TNFSF12: variants seen among roughly 807,000 people sequenced by gnomAD.
TNFSF12 encodes the protein TNF superfamily member 12, also known as tumor necrosis factor ligand superfamily member 12.
TNFSF12 carries 16 observed loss-of-function variants against 31.2 expected under a neutral mutation model. The ratio of observed to expected loss-of-function variants is 0.51; its 90% confidence interval spans 0.35 to 0.78. TNFSF12 has a LOEUF of 0.78. TNFSF12 is among the 30% of genes least tolerant of loss of function. The pLI is 0.01. For synonymous variants in TNFSF12, 150 were observed against 151.4 expected (o/e 0.99, Z 0.07); for missense variants, 324 against 338.8 (o/e 0.96, Z 0.34).
chr17:7,552,546 C>A (rs1275169592), intron 5 of TNFSF12, among the ~76,000 whole-genome samples: 2 of 152,006 alleles, frequency 1.3e-5, no homozygotes, highest in African/African-American at 4.8e-5. Context: ...CCAGGCTGGT[C>A]TTGAACTCCT....
chr17:7,549,936 T>TGAG lies in TNFSF12; in HGVS notation c.208-181_208-179dup. ...AGTGTAGCTGGTCTAGAGGAAAGGG[T>TGAG]GAGGACTGGGGCCTGACTCCCAGCT... On this transcript the variant is annotated intron_variant, in intron 2 of 6. Coordinates refer to ENST00000293825, the MANE Select transcript of TNFSF12 (RefSeq NM_003809.3). The surrounding 1 kb of genome is among the most constrained non-coding windows in gnomAD (Gnocchi z 4.1). 2.6e-6 allele frequency: 2 copies of TGAG among 770,556 alleles called. No homozygotes were observed. The highest frequency in any genetic ancestry group is 4.2e-6 in the Non-Finnish European group (2 of 477,464). 47.7% of individuals were successfully genotyped at this position (770,556 alleles called of 1,614,324 possible).
chr17:7,551,013 C>G (rs199646365), intron 5 of TNFSF12, 35 bp downstream of exon 5: 12 of 1,612,562 alleles, frequency 7.4e-6, no homozygotes, highest in Middle Eastern at 1.9e-4. Flanking sequence ...CACTGGCCTC[C>G]TGGGAAAAGG....
Position 7,557,507 on chromosome 17 carries a change from C to T in TNFSF12, c.*157C>T. On this transcript the variant is annotated 3_prime_UTR_variant, in exon 7 of 7. Coordinates refer to ENST00000293825, the MANE Select transcript of TNFSF12 (RefSeq NM_003809.3). The surrounding 1 kb of genome is among the most constrained non-coding windows in gnomAD (Gnocchi z 5.2). ...GGGCCTGTTCACGTGTTTTCCATCC[C>T]ACATAAATACAGTATTCCCACTCTT... 1.8e-5 allele frequency: 18 copies of T among 995,926 alleles called. No individual in the cohort carries two copies. Among genetic ancestry groups the T allele is most frequent in the Non-Finnish European group, 2.3e-5 (16 of 702,670 alleles). 61.7% of individuals were successfully genotyped at this position (995,926 alleles called of 1,614,324 possible).
chr17:7,551,934 T>C, intron 5 of TNFSF12, among the ~76,000 whole-genome samples: 1 of 152,116 alleles, frequency 6.6e-6, no homozygotes, highest in East Asian at 1.9e-4. Context: ...TACAGGCGTG[T>C]GCCACCACGC....
rs751070705 is a variant in TNFSF12 at position 7,550,270 on chromosome 17, C to T, written c.283+75C>T. The T allele has an allele frequency of 6.8e-6, 11 of 1,606,814 alleles. No homozygotes were observed. Among genetic ancestry groups the T allele is most frequent in the Middle Eastern group, 1.6e-4 (1 of 6,070 alleles). ...TTATCCACAGGGAGAAACTGAGGCACGGAGGGTGAAAGGAGTTCAGAGTCA... is the reference window on the plus strand; with the variant it reads ...TTATCCACAGGGAGAAACTGAGGCATGGAGGGTGAAAGGAGTTCAGAGTCA... On this transcript the variant is annotated intron_variant, in intron 3 of 6. Transcript: ENST00000293825. This position sits in a 1 kb window ranked among gnomAD's most constrained non-coding sequence, Gnocchi z 4.4.
intron 5 of TNFSF12, among the ~76,000 whole-genome samples, chr17:7,552,771 A>T: frequency 6.6e-6 from 1 of 152,128 alleles, no homozygotes; most frequent in East Asian, 1.9e-4. Flanking sequence ...CTGGAGAGAG[A>T]GGAAGAAACC....
At position 7,557,431 on chromosome 17, in the gene TNFSF12, A is replaced by C. The variant is rs1597829771; in HGVS notation, c.*81A>C. The C allele has an allele frequency of 9.4e-6, 14 of 1,490,214 alleles. No homozygotes were observed. The highest frequency in any genetic ancestry group is 4.7e-5 in the East Asian group (2 of 42,576). The allele number at this position is 1,490,214 out of a possible 1,614,324, so 92.3% of individuals were successfully genotyped here. ...CTGGGCACCCGGTCCCCTCTGCCCC[A>C]CCCTCAGCCGCTCTTTGCTCCAGAC... On this transcript the variant is annotated 3_prime_UTR_variant, in exon 7 of 7. Transcript: ENST00000293825. The surrounding 1 kb of genome is among the most constrained non-coding windows in gnomAD (Gnocchi z 5.2).
At chr17:7,554,017 G>A (rs926913033) in intron 5 of TNFSF12, among the ~76,000 whole-genome samples, 14 of 152,194 alleles carry the variant, frequency 9.2e-5, no homozygotes, top group Admixed American at 8.5e-4. Context: ...TCCAGGTGAG[G>A]TTTGTGGCTG....
At position 7,553,023 on chromosome 17, in the gene TNFSF12, C is replaced by CT. The variant is rs71159509; in HGVS notation, c.373+2084dup. On this transcript the variant is annotated intron_variant, in intron 5 of 6. Transcript: ENST00000293825. ...ATAAGGAACTGGAGGCAGGGACAAC[C>CT]TTTTTTTTTTTTTTTTTTTTTTTTT... Among the ~76,000 whole-genome samples the CT allele has an allele frequency of 2.3e-3, 151 of 66,090 alleles. 11 individuals carry two copies. Among genetic ancestry groups the CT allele is most frequent in the East Asian group, 3.2e-3 (8 of 2,510 alleles). The allele number at this position is 66,090 out of a possible 152,430, so 43.4% of individuals were successfully genotyped here.
At position 7,557,605 on chromosome 17, in the gene TNFSF12, T is replaced by A; in HGVS notation, c.*255T>A. On this transcript the variant is annotated 3_prime_UTR_variant, in exon 7 of 7. Transcript: ENST00000293825. The surrounding 1 kb of genome is among the most constrained non-coding windows in gnomAD (Gnocchi z 5.2). ...ATCCCTGACCCTTTGAGGCCCCCAG[T>A]GATCTCGACTCCCCCCTGGCCACAG... The A allele has an allele frequency of 2.0e-6, 1 of 505,610 alleles. No homozygotes were observed. The highest frequency in any genetic ancestry group is 3.5e-6 in the Non-Finnish European group (1 of 289,252). 31.3% of individuals were successfully genotyped at this position (505,610 alleles called of 1,614,324 possible).
chr17:7,552,516 A>T (rs2071011872), intron 5 of TNFSF12, among the ~76,000 whole-genome samples: 1 of 151,844 alleles, frequency 6.6e-6, no homozygotes, highest in Non-Finnish European at 1.5e-5. Flanking sequence ...TTTAGTAGAG[A>T]CAGGGTTTCA....
chr17:7,552,293 C>T (rs117322070), intron 5 of TNFSF12, among the ~76,000 whole-genome samples: 2,991 of 149,400 alleles, frequency 0.02, 34 homozygotes, highest in Non-Finnish European at 0.028. Context: ...TAGGTCAGGA[C>T]GGATAAAGCC....
chr17:7,550,691 A>T lies in TNFSF12; in HGVS notation c.284-108A>T. ...TGAGATTCTAAGGCCAGGAGTCTGG[A>T]CAAGAATAAGGATGCCAGGGTTCCT... On this transcript the variant is annotated intron_variant, in intron 3 of 6. Transcript: ENST00000293825. The surrounding 1 kb of genome is among the most constrained non-coding windows in gnomAD (Gnocchi z 4.4). 1 of 1,495,688 alleles carries T rather than the reference A, an allele frequency of 6.7e-7. No homozygotes were observed. The highest frequency in any genetic ancestry group is 1.4e-5 in the African/African-American group (1 of 71,786). The allele number at this position is 1,495,688 out of a possible 1,614,324, so 92.7% of individuals were successfully genotyped here.
chr17:7,557,094 C>T lies in TNFSF12; in HGVS notation c.499-5C>T. On this transcript the variant is annotated splice_region_variant and splice_polypyrimidine_tract_variant and intron_variant, in intron 6 of 6. Transcript: ENST00000293825. This position sits in a 1 kb window ranked among gnomAD's most constrained non-coding sequence, Gnocchi z 5.2. Reference sequence around the variant, plus strand: ...CCTGGACTCGGCCTGTTGTCCCCACCCCAGGTGCACTTTGATGAGGGGAAG... The same window carrying T: ...CCTGGACTCGGCCTGTTGTCCCCACTCCAGGTGCACTTTGATGAGGGGAAG... 6.2e-7 allele frequency: 1 copy of T among 1,608,346 alleles called. No individual in the cohort carries two copies. Among genetic ancestry groups the T allele is most frequent in the Non-Finnish European group, 8.5e-7 (1 of 1,176,126 alleles).
At chr17:7,556,334 T>A (rs780106083) in intron 5 of TNFSF12, among the ~76,000 whole-genome samples, 4 of 152,214 alleles carry the variant, frequency 2.6e-5, no homozygotes, top group Admixed American at 6.5e-5. Flanking sequence ...AGTACTTCAC[T>A]CTTTTTATGG....
At position 7,556,814 on chromosome 17, in the gene TNFSF12, G is replaced by A. The variant is rs1433258137; in HGVS notation, c.410G>A (p.Arg137Lys). Residue 137 changes from arginine (R) to lysine (K), a missense_variant, in exon 6 of 7, where the codon AGA (arginine) becomes AAA (lysine). Physicochemically the swap from Arg to Lys is conservative, Grantham distance 26 (BLOSUM62 2). Transcript: ENST00000293825. ...DGTVSGWEEA[R>K]INSSSPLRYN... ...ACAGTGAGTGGCTGGGAGGAAGCCAGAATCAACAGCTCCAGCCCTCTGCGC... is the reference window on the plus strand; with the variant it reads ...ACAGTGAGTGGCTGGGAGGAAGCCAAAATCAACAGCTCCAGCCCTCTGCGC... 1 of 1,550,106 alleles carries A rather than the reference G, an allele frequency of 6.5e-7. No homozygotes were observed. The highest frequency in any genetic ancestry group is 1.2e-5 in the South Asian group (1 of 82,400).
intron 5 of TNFSF12, 45 bp from the exon 6 acceptor site, chr17:7,556,732 AG>A: frequency 1.3e-5 from 18 of 1,431,854 alleles, no homozygotes; most frequent in Non-Finnish European, 1.7e-5. Flanking sequence ...AGTGTGGGGG[AG>A]TCCTGTAGAG....
chr17:7,550,300 G>A lies in TNFSF12; in HGVS notation c.283+105G>A. 6.5e-7 allele frequency: 1 copy of A among 1,549,136 alleles called. No individual in the cohort carries two copies. Among genetic ancestry groups the A allele is most frequent in the East Asian group, 2.3e-5 (1 of 44,182 alleles). On this transcript the variant is annotated intron_variant, in intron 3 of 6. Transcript: ENST00000293825. This position sits in a 1 kb window ranked among gnomAD's most constrained non-coding sequence, Gnocchi z 4.4. ...GGTGAAAGGAGTTCAGAGTCATGCA[G>A]CTAACCAGCCAAGACTCAAACCTAG...
chr17:7,556,020 G>GC (rs1315239517), intron 5 of TNFSF12, among the ~76,000 whole-genome samples: 2 of 122,456 alleles, frequency 1.6e-5, no homozygotes, highest in African/African-American at 6.2e-5. Context: ...TAGCTCTGTT[G>GC]CCCAGGCTGG....
Sources: allele counts gnomAD v4.1 joint callset (sites outside exome capture counted in the v4.1 genomes callset), GRCh38; gene constraint gnomAD v4.1.1; non-coding constraint Gnocchi (gnomAD v3.1); transcripts MANE v1.5; gene names NCBI Gene and HGNC (gene_info 2026-07-23, HGNC 2026-07-21).